Variants in CNTNAP2 observed in about 807,000 individuals in gnomAD.
The protein encoded by CNTNAP2 is contactin associated protein 2.
CNTNAP2 carries 98 observed loss-of-function variants against 155.2 expected under a neutral mutation model. That is an observed-to-expected ratio of 0.63 (90% CI 0.54 to 0.75). The LOEUF is 0.75. Ranked by LOEUF, CNTNAP2 falls within the 30% of genes least tolerant of loss-of-function variation. The pLI, the probability that CNTNAP2 is intolerant of heterozygous loss-of-function variation, is 0.00. For missense variants in CNTNAP2, 1,727 were observed against 1,688.1 expected, an observed-to-expected ratio of 1.02 and a Z score of -0.40; for synonymous variants, 651 against 631.2, an observed-to-expected ratio of 1.03 and a Z score of -0.47.
At chr7:147,263,876 A>C (rs1804547834) in intron 8 of CNTNAP2, among the ~76,000 whole-genome samples, 1 of 152,218 alleles carries the variant, frequency 6.6e-6, no homozygotes, top group Admixed American at 6.5e-5. Flanking sequence ...GAATGAATTG[A>C]AGAGTAATTT....
chr7:146,780,773 C>T (rs1802472032), intron 2 of CNTNAP2, among the ~76,000 whole-genome samples: 1 of 151,966 alleles, frequency 6.6e-6, no homozygotes, highest in Admixed American at 6.6e-5. Context: ...AACACAGAAA[C>T]AGAAAACCAA....
intron 8 of CNTNAP2, among the ~76,000 whole-genome samples, chr7:147,222,103 C>T (rs1803414371): frequency 6.6e-6 from 1 of 152,000 alleles, no homozygotes; most frequent in Non-Finnish European, 1.5e-5. Context: ...TTTATGTTCT[C>T]TGAGGTTTCT....
intron 1 of CNTNAP2, among the ~76,000 whole-genome samples, chr7:146,436,152 C>T (rs1047873231): frequency 6.6e-6 from 1 of 152,076 alleles, no homozygotes; most frequent in African/African-American, 2.4e-5. Flanking sequence ...ATGTATCTCT[C>T]CTAGCAATAC....
At chr7:147,455,992 AAAACAT>A (rs937055010) in intron 10 of CNTNAP2, among the ~76,000 whole-genome samples, 5 of 152,270 alleles carry the variant, frequency 3.3e-5, no homozygotes, top group African/African-American at 4.8e-5. Flanking sequence ...AACAAAAACA[AAAACAT>A]TCTGTAACAT....
At chr7:147,130,815 C>G (rs1801337472) in intron 7 of CNTNAP2, among the ~76,000 whole-genome samples, 1 of 151,964 alleles carries the variant, frequency 6.6e-6, no homozygotes, top group Non-Finnish European at 1.5e-5. Context: ...TTTAATTTTG[C>G]TAGGGAGACA....
intron 21 of CNTNAP2, among the ~76,000 whole-genome samples, chr7:148,337,990 T>C (rs556617676): frequency 1.3e-5 from 2 of 152,350 alleles, no homozygotes; most frequent in African/African-American, 4.8e-5. Flanking sequence ...AGTAGAGTTA[T>C]GAGTTTTGAC....
At chr7:146,911,814 AAAAT>A (rs963979508) in intron 3 of CNTNAP2, among the ~76,000 whole-genome samples, 52 of 152,284 alleles carry the variant, frequency 3.4e-4, no homozygotes, top group African/African-American at 6.5e-4. Flanking sequence ...AATAATAAAA[AAAAT>A]AAATAATAAA....
At chr7:147,990,514 C>G (rs1000984688) in intron 15 of CNTNAP2, among the ~76,000 whole-genome samples, 3 of 151,726 alleles carry the variant, frequency 2.0e-5, no homozygotes, top group African/African-American at 7.3e-5. Context: ...GGGCTGACAT[C>G]TCTCCGGCCT....
At chr7:146,405,653 A>C (rs1309904748) in intron 1 of CNTNAP2, among the ~76,000 whole-genome samples, 2 of 152,210 alleles carry the variant, frequency 1.3e-5, no homozygotes, top group African/African-American at 4.8e-5. Flanking sequence ...CTGGCTAGTG[A>C]ATTTTTTGAT....
At chr7:148,413,400 A>AT (rs1799891485) in intron 23 of CNTNAP2, among the ~76,000 whole-genome samples, 3 of 66,204 alleles carry the variant, frequency 4.5e-5, no homozygotes, top group African/African-American at 2.6e-4. Flanking sequence ...CTCAAAAAAA[A>AT]AATATATATA....
chr7:148,336,229 A>G (rs1006865018), intron 21 of CNTNAP2, among the ~76,000 whole-genome samples: 7 of 152,246 alleles, frequency 4.6e-5, no homozygotes, highest in African/African-American at 1.7e-4. Context: ...GCATATAAAT[A>G]TAATTTTATG....
intron 14 of CNTNAP2, among the ~76,000 whole-genome samples, chr7:147,910,061 T>C (rs1563132108): frequency 6.6e-6 from 1 of 152,172 alleles, no homozygotes; most frequent in Non-Finnish European, 1.5e-5. Flanking sequence ...GGGAGTTAAC[T>C]AAAAAATATC....
chr7:147,722,664 C>G (rs1196167105), intron 13 of CNTNAP2, among the ~76,000 whole-genome samples: 1 of 152,070 alleles, frequency 6.6e-6, no homozygotes, highest in Admixed American at 6.6e-5. Flanking sequence ...TTTAGTACCT[C>G]CAGACCCCTA....
intron 10 of CNTNAP2, among the ~76,000 whole-genome samples, chr7:147,475,784 C>T (rs1798309854): frequency 6.6e-6 from 1 of 152,110 alleles, no homozygotes. Flanking sequence ...TTTCATCTAT[C>T]TGGAATTTAT....
At chr7:147,930,241 G>T (rs1023621436) in intron 14 of CNTNAP2, among the ~76,000 whole-genome samples, 8 of 152,032 alleles carry the variant, frequency 5.3e-5, no homozygotes, top group African/African-American at 1.7e-4. Context: ...TACCTTAAAT[G>T]AAAATAGACT....
intron 3 of CNTNAP2, among the ~76,000 whole-genome samples, chr7:146,951,757 G>A (rs1366170881): frequency 1.3e-5 from 2 of 152,022 alleles, no homozygotes; most frequent in Non-Finnish European, 2.9e-5. Flanking sequence ...TTTTTGCATA[G>A]GATTGTCTTG....
chr7:147,170,452 T>C (rs1802203967), intron 8 of CNTNAP2, among the ~76,000 whole-genome samples: 1 of 152,138 alleles, frequency 6.6e-6, no homozygotes. Flanking sequence ...TTGATGTTTC[T>C]GGCTGTGGGC....
chr7:147,181,750 A>G (rs1802459706), intron 8 of CNTNAP2, among the ~76,000 whole-genome samples: 1 of 152,202 alleles, frequency 6.6e-6, no homozygotes, highest in Non-Finnish European at 1.5e-5. Flanking sequence ...AAAATACTTG[A>G]AGGCAGTTCT....
chr7:147,702,785 G>T (rs1440723269), intron 13 of CNTNAP2, among the ~76,000 whole-genome samples: 8 of 152,098 alleles, frequency 5.3e-5, no homozygotes, highest in Non-Finnish European at 1.0e-4. Flanking sequence ...CCCAAGTTCA[G>T]AAAGGCCTCG....
Sources: allele counts gnomAD v4.1 joint callset (sites outside exome capture counted in the v4.1 genomes callset), GRCh38; gene constraint gnomAD v4.1.1; transcripts MANE v1.5; gene names NCBI Gene and HGNC (gene_info 2026-07-23, HGNC 2026-07-21).